Variants in DRP2 observed in about 807,000 individuals in gnomAD.
The protein encoded by DRP2 is dystrophin related protein 2.
Under a neutral mutation model 78.2 loss-of-function variants are expected in DRP2, and 29 were observed. The observed-to-expected ratio is 0.37, with a 90% CI of 0.28 to 0.51. The LOEUF (loss-of-function observed/expected upper bound fraction) is 0.51. Among genes scored for constraint, DRP2 ranks in the 20% least tolerant of loss-of-function variants. The pLI is 0.94. For missense variants in DRP2, 686 were observed against 770.6 expected (o/e 0.89, Z 1.30); for synonymous variants, 290 against 281.9 (o/e 1.03, Z -0.29).
At chrX:101,233,428 G>T (rs1378287773) in intron 3 of DRP2, among the ~76,000 whole-genome samples, 1 of 111,605 alleles carries the variant, frequency 9.0e-6, no homozygotes, top group African/African-American at 3.3e-5. Flanking sequence ...ACCCTGGGTG[G>T]CTCCACCCCA....
chrX:101,241,214 A>G lies in DRP2; in HGVS notation c.560-454A>G, dbSNP rs765744423. On this transcript the variant is annotated intron_variant, in intron 6 of 23. Coordinates refer to ENST00000395209, the MANE Select transcript of DRP2 (RefSeq NM_001939.3). Reference sequence around the variant, plus strand: ...GACTGTGGTGGCGGATATATAAACCAACGCATGTGATAAAATCACATAGAA... The same window carrying G: ...GACTGTGGTGGCGGATATATAAACCGACGCATGTGATAAAATCACATAGAA... Among the ~76,000 whole-genome samples the G allele has an allele frequency of 3.6e-5, 4 of 112,415 alleles. No individual in the cohort carries two copies. The East Asian group carries it at 1.1e-3, about 31-fold the overall frequency.
At chrX:101,224,481 T>A (rs1369377861) in intron 1 of DRP2, 123 bp from the exon 2 acceptor site, 2 of 110,556 alleles carry the variant, frequency 1.8e-5, no homozygotes, top group Non-Finnish European at 3.8e-5. Context: ...TTAAAAATGT[T>A]TTTACAAAAT....
chrX:101,225,890 T>A (rs1192779627), intron 2 of DRP2, among the ~76,000 whole-genome samples: 1 of 112,173 alleles, frequency 8.9e-6, no homozygotes, highest in East Asian at 2.8e-4. Flanking sequence ...TAATTTAATA[T>A]ACTTTACATA....
intron 1 of DRP2, among the ~76,000 whole-genome samples, chrX:101,221,123 A>G (rs1412838684): frequency 8.9e-6 from 1 of 112,121 alleles, no homozygotes; most frequent in Non-Finnish European, 1.9e-5. Context: ...GTAGAGGAGA[A>G]CGTCAGCAGC....
chrX:101,244,670 T>A (rs950307505), intron 9 of DRP2, among the ~76,000 whole-genome samples: 1 of 112,259 alleles, frequency 8.9e-6, no homozygotes, highest in Non-Finnish European at 1.9e-5. Flanking sequence ...TCCGCAAGAG[T>A]AATCCAGCTG....
chrX:101,245,169 G>C, intron 10 of DRP2, 92 bp downstream of exon 10: 1 of 963,766 alleles, frequency 1.0e-6, no homozygotes, highest in South Asian at 2.2e-5. Flanking sequence ...CACTCTGTCT[G>C]TTGGGATTCC....
intron 13 of DRP2, 108 bp downstream of exon 13, chrX:101,248,398 C>A: frequency 9.2e-7 from 1 of 1,091,882 alleles, no homozygotes; most frequent in Non-Finnish European, 1.2e-6. Context: ...CCCAGCTCAG[C>A]TTGGGGCATG....
chrX:101,241,566 A>G (rs999280142), intron 6 of DRP2, 102 bp from the exon 7 acceptor site: 47 of 898,413 alleles, frequency 5.2e-5, no homozygotes, highest in Non-Finnish European at 7.2e-5. Flanking sequence ...CCACATGTGC[A>G]CACACACATA....
At chrX:101,252,532 T>C in intron 16 of DRP2, 73 bp from the exon 17 acceptor site, 1 of 827,354 alleles carries the variant, frequency 1.2e-6, no homozygotes, top group East Asian at 3.1e-5. Flanking sequence ...TATATTTTAA[T>C]GTTAGGGGAA....
intron 16 of DRP2, among the ~76,000 whole-genome samples, chrX:101,252,363 A>G (rs1413799534): frequency 9.0e-6 from 1 of 111,591 alleles, no homozygotes; most frequent in Admixed American, 9.5e-5. Flanking sequence ...AGACAATGCT[A>G]TTTCCCACAC....
In DRP2 at chrX:101,239,109, G is replaced by T. The variant is rs1922620483; in HGVS notation, c.559+8G>T. The stretch of plus-strand genomic sequence containing the variant: ...CTCATTCTGAGAGCAAAGGTAGGTG[G>T]TCTTCTGTTTTTCCCACTTCTTCTT... On this transcript the variant is annotated splice_region_variant and intron_variant, in intron 6 of 23. Transcript: ENST00000395209. The T allele has an allele frequency of 8.3e-6, 10 of 1,204,277 alleles. No individual in the cohort carries two copies. The highest frequency in any genetic ancestry group is 1.1e-5 in the Non-Finnish European group (10 of 893,123).
chrX:101,233,684 G>C (rs1207138067), intron 3 of DRP2, among the ~76,000 whole-genome samples: 1 of 111,816 alleles, frequency 8.9e-6, no homozygotes, highest in African/African-American at 3.3e-5. Context: ...CCACTTCCAG[G>C]AGGGGCCCTA....
intron 21 of DRP2, among the ~76,000 whole-genome samples, chrX:101,256,627 C>T (rs1923347403): frequency 9.3e-6 from 1 of 107,792 alleles, no homozygotes; most frequent in Admixed American, 1.0e-4. Flanking sequence ...CGGCTCACTG[C>T]AACCTCTGGC....
intron 1 of DRP2, among the ~76,000 whole-genome samples, chrX:101,220,683 G>T (rs1206308747): frequency 9.0e-6 from 1 of 111,009 alleles, no homozygotes; most frequent in Non-Finnish European, 1.9e-5. Flanking sequence ...ATTCTGGCCA[G>T]CAGACAGGAC....
At chrX:101,255,397 C>A in intron 20 of DRP2, 148 bp downstream of exon 20, 2 of 543,014 alleles carry the variant, frequency 3.7e-6, no homozygotes. Context: ...GCTTTCTGGG[C>A]ACGGTGTTCA....
In DRP2 at chrX:101,260,082, G is replaced by A; in HGVS notation, c.2662G>A (p.Gly888Ser). The A allele has an allele frequency of 8.3e-7, 1 of 1,211,572 alleles. No individual in the cohort carries two copies. The highest frequency in any genetic ancestry group is 1.1e-6 in the Non-Finnish European group (1 of 895,461). The stretch of plus-strand genomic sequence containing the variant: ...CGAATCAGATGGCAGTGGCTCTGCA[G>A]GCTCGTCCCTAGCTTCCTCTCCACA... The part of the protein sequence containing the change: ...PTESDGSGSA[G>S]SSLASSPQQS... The change falls in exon 23 of 24, where the codon GGC (glycine) becomes AGC (serine). Residue 888 changes from glycine (G) to serine (S), a missense_variant. Gly to Ser is a moderately conservative substitution (Grantham distance 56). Transcript: ENST00000395209.
intron 7 of DRP2, among the ~76,000 whole-genome samples, 158 bp downstream of exon 7, chrX:101,242,094 G>A (rs1922751887): frequency 9.0e-6 from 1 of 111,625 alleles, no homozygotes; most frequent in African/African-American, 3.3e-5. Context: ...TTTGGCTGGA[G>A]TCTCTTCTGT....
chrX:101,232,504 A>G (rs1363128375), intron 3 of DRP2, among the ~76,000 whole-genome samples: 1 of 111,385 alleles, frequency 9.0e-6, no homozygotes, highest in Non-Finnish European at 1.9e-5. Context: ...GATGGGCTGC[A>G]GTGCTGAGTC....
At chrX:101,223,393 A>T (rs1429571620) in intron 1 of DRP2, among the ~76,000 whole-genome samples, 9 of 112,199 alleles carry the variant, frequency 8.0e-5, no homozygotes, top group African/African-American at 2.6e-4. Context: ...TCACTATTGT[A>T]TACTCCTGTA....
Sources: gnomAD v4.1 joint callset for allele counts (sites outside exome capture counted in the v4.1 genomes callset) on GRCh38, gnomAD v4.1.1 for gene constraint, MANE v1.5 for transcripts, NCBI Gene and HGNC (gene_info 2026-07-23, HGNC 2026-07-21) for gene names.